Variants in TPD52L1 observed in about 807,000 individuals in gnomAD.
TPD52L1 encodes TPD52 like 1, also known as tumor protein D53.
A neutral mutation model predicts 28.7 loss-of-function variants in TPD52L1; 18 were observed. The ratio of observed to expected loss-of-function variants is 0.63; its 90% CI spans 0.43 to 0.93. TPD52L1 has a LOEUF of 0.93. Among genes scored for constraint, TPD52L1 ranks in the 40% least tolerant of loss-of-function variants. TPD52L1 has a pLI of 0.00. For missense variants in TPD52L1, 203 were observed against 254.8 expected, an observed-to-expected ratio of 0.80 and a Z score of 1.39; for synonymous variants, 75 against 88.8, an observed-to-expected ratio of 0.84 and a Z score of 0.88.
intron 2 of TPD52L1, among the ~76,000 whole-genome samples, chr6:125,227,197 G>A (rs749017265): frequency 3.3e-5 from 5 of 152,202 alleles, no homozygotes; most frequent in Non-Finnish European, 5.9e-5. Context: ...AAAACCCCAA[G>A]ATATTGCTAC....
chr6:125,237,134 C>T (rs1158517532), intron 3 of TPD52L1, among the ~76,000 whole-genome samples: 1 of 152,004 alleles, frequency 6.6e-6, no homozygotes, highest in Non-Finnish European at 1.5e-5. Context: ...CTGTGTAGGG[C>T]CATCAGAAGG....
chr6:125,192,248 G>C (rs1793095211), intron 1 of TPD52L1, among the ~76,000 whole-genome samples: 1 of 152,012 alleles, frequency 6.6e-6, no homozygotes, highest in African/African-American at 2.4e-5. Flanking sequence ...GAACCCGGCT[G>C]ACCTGAGCAG....
chr6:125,178,942 G>T (rs1212321908), intron 1 of TPD52L1, among the ~76,000 whole-genome samples: 2 of 152,116 alleles, frequency 1.3e-5, no homozygotes, highest in African/African-American at 4.8e-5. Flanking sequence ...ATTATTGTTT[G>T]TCCACAACTC....
At position 125,220,136 on chromosome 6, in the gene TPD52L1, C is replaced by G. The variant is rs1045984964; in HGVS notation, c.78C>G (p.Asp26Glu). 1 of 1,613,748 alleles carries G rather than the reference C, an allele frequency of 6.2e-7. No homozygotes were observed. The highest frequency in any genetic ancestry group is 1.3e-5 in the African/African-American group (1 of 74,874). ...GTDEDAVASADFSSMLSEEEK... is the reference protein window; with the variant it reads ...GTDEDAVASAEFSSMLSEEEK... ...ACGAAGATGCAGTAGCCAGTGCTGACTTCTCTAGCATGCTCTCTGAGGAGG... is the reference window on the plus strand; with the variant it reads ...ACGAAGATGCAGTAGCCAGTGCTGAGTTCTCTAGCATGCTCTCTGAGGAGG... The change falls in exon 2 of 7, where the codon GAC (aspartate) becomes GAG (glutamate). Residue 26 changes from aspartate to glutamate, a missense_variant. Coordinates refer to ENST00000534000, the MANE Select transcript of TPD52L1 (RefSeq NM_003287.4).
intron 3 of TPD52L1, among the ~76,000 whole-genome samples, chr6:125,230,701 T>C (rs987089644): frequency 1.5e-4 from 23 of 152,146 alleles, no homozygotes; most frequent in African/African-American, 4.6e-4. Context: ...CCAACTTCCT[T>C]AGTTTCCATA....
intron 2 of TPD52L1, among the ~76,000 whole-genome samples, chr6:125,228,886 CT>C (rs148763392): frequency 0.019 from 2,840 of 148,792 alleles, 47 homozygotes; most frequent in African/African-American, 0.052. Flanking sequence ...TACAATCTCA[CT>C]TTTTTTTTTA....
intron 1 of TPD52L1, among the ~76,000 whole-genome samples, chr6:125,208,293 T>C (rs1288346835): frequency 6.6e-6 from 1 of 152,182 alleles, no homozygotes; most frequent in Non-Finnish European, 1.5e-5. Flanking sequence ...TTACTAGGAT[T>C]CAGCTGGGGA....
chr6:125,242,651 T>C (rs13199132), intron 3 of TPD52L1, among the ~76,000 whole-genome samples: 17,023 of 152,142 alleles, frequency 0.11, 1,116 homozygotes, highest in East Asian at 0.31. Flanking sequence ...AATATCTTTT[T>C]CCACCTCTTT....
chr6:125,225,819 C>T (rs953092551), intron 2 of TPD52L1, among the ~76,000 whole-genome samples: 2 of 152,154 alleles, frequency 1.3e-5, no homozygotes, highest in Non-Finnish European at 2.9e-5. Flanking sequence ...ATAACACAAG[C>T]AGTCTGGCTC....
chr6:125,167,108 T>C (rs1790964070), intron 1 of TPD52L1, among the ~76,000 whole-genome samples: 1 of 151,920 alleles, frequency 6.6e-6, no homozygotes, highest in South Asian at 2.1e-4. Context: ...AATAATAATT[T>C]TTAAAAATTA....
chr6:125,255,936 A>T (rs1197457228), intron 5 of TPD52L1, among the ~76,000 whole-genome samples: 1 of 152,236 alleles, frequency 6.6e-6, no homozygotes, highest in Non-Finnish European at 1.5e-5. Context: ...TCATTAAATT[A>T]TAATATCATG....
intron 1 of TPD52L1, among the ~76,000 whole-genome samples, chr6:125,163,495 T>A (rs780617695): frequency 2.6e-5 from 4 of 150,958 alleles, no homozygotes; most frequent in Non-Finnish European, 5.9e-5. Context: ...GGTGGGAGGA[T>A]TGCTTGAGCC....
intron 3 of TPD52L1, among the ~76,000 whole-genome samples, chr6:125,239,196 A>G (rs941365391): frequency 2.0e-5 from 3 of 152,074 alleles, no homozygotes; most frequent in Admixed American, 6.6e-5. Flanking sequence ...ATTTCATTGT[A>G]GTTTTAACTT....
intron 1 of TPD52L1, among the ~76,000 whole-genome samples, chr6:125,182,199 C>T (rs904844401): frequency 6.6e-6 from 1 of 152,180 alleles, no homozygotes; most frequent in African/African-American, 2.4e-5. Context: ...GGCTGGGCAT[C>T]ATACAAACCA....
intron 1 of TPD52L1, among the ~76,000 whole-genome samples, chr6:125,217,905 G>T (rs907627042): frequency 2.0e-5 from 3 of 152,078 alleles, no homozygotes; most frequent in Admixed American, 6.6e-5. Flanking sequence ...TATCCATGTG[G>T]TGTGTATAGT....
At chr6:125,196,684 ACTTT>A (rs908482508) in intron 1 of TPD52L1, among the ~76,000 whole-genome samples, 1 of 149,930 alleles carries the variant, frequency 6.7e-6, no homozygotes, top group African/African-American at 2.5e-5. Context: ...TGAAAATAGA[ACTTT>A]CTTTTTTCCT....
chr6:125,237,524 A>G (rs897889481), intron 3 of TPD52L1, among the ~76,000 whole-genome samples: 1 of 152,214 alleles, frequency 6.6e-6, no homozygotes, highest in Non-Finnish European at 1.5e-5. Context: ...CTATTTTCTT[A>G]CCAAAACACA....
At chr6:125,161,887 T>C (rs562451126) in intron 1 of TPD52L1, among the ~76,000 whole-genome samples, 16 of 152,322 alleles carry the variant, frequency 1.1e-4, no homozygotes, top group Admixed American at 9.1e-4. Flanking sequence ...ATGGCACCAA[T>C]AGACTTGCAC....
chr6:125,167,262 C>CA (rs1790976098), intron 1 of TPD52L1, among the ~76,000 whole-genome samples: 1 of 151,798 alleles, frequency 6.6e-6, no homozygotes, highest in South Asian at 2.1e-4. Flanking sequence ...ACAAATAAAA[C>CA]AAAAAACAAA....
Sources: gnomAD v4.1 joint callset for allele counts (sites outside exome capture counted in the v4.1 genomes callset) on GRCh38, gnomAD v4.1.1 for gene constraint, MANE v1.5 for transcripts, NCBI Gene and HGNC (gene_info 2026-07-23, HGNC 2026-07-21) for gene names.